The following PARD3B variants were observed in gnomAD, a reference collection of about 807,000 sequenced individuals.
The protein encoded by PARD3B is par-3 family cell polarity regulator beta.
Under a neutral mutation model 130.2 loss-of-function variants are expected in PARD3B, and 103 were observed. The ratio of observed to expected loss-of-function variants is 0.79; its 90% confidence interval spans 0.67 to 0.93. PARD3B has a LOEUF of 0.93. PARD3B is among the 40% of genes least tolerant of loss of function. The probability of loss-of-function intolerance (pLI) is 0.00; values close to 1 mark genes in which losing one functional copy is unlikely to be tolerated. For synonymous variants in PARD3B, 583 were observed against 553.2 expected, an observed-to-expected ratio of 1.05 and a Z score of -0.76; for missense variants, 1,609 against 1,499.2, an observed-to-expected ratio of 1.07 and a Z score of -1.21.
At chr2:205,107,516 T>G (rs1210611329) in intron 5 of PARD3B, among the ~76,000 whole-genome samples, 1 of 152,220 alleles carries the variant, frequency 6.6e-6, no homozygotes, top group Non-Finnish European at 1.5e-5. Context: ...GCTATTGCCA[T>G]TATCATTGTC....
chr2:204,917,990 T>C (rs6761835), intron 2 of PARD3B, among the ~76,000 whole-genome samples: 11,224 of 152,240 alleles, frequency 0.074, 748 homozygotes, highest in African/African-American at 0.18. Context: ...GCTTGCATTA[T>C]TGGTTATAGT....
chr2:204,564,243 A>G (rs1367622052), intron 1 of PARD3B, among the ~76,000 whole-genome samples: 1 of 152,174 alleles, frequency 6.6e-6, no homozygotes, highest in Non-Finnish European at 1.5e-5. Flanking sequence ...ACATGCATAC[A>G]TTTTGAAATG....
chr2:205,143,553 A>G (rs190211098), intron 10 of PARD3B, among the ~76,000 whole-genome samples: 176 of 152,322 alleles, frequency 1.2e-3, no homozygotes, highest in Non-Finnish European at 2.1e-3. Flanking sequence ...AATTAAGGCC[A>G]TAGAAATTGC....
intron 14 of PARD3B, among the ~76,000 whole-genome samples, chr2:205,188,783 CAAA>C (rs68034154): frequency 9.2e-5 from 9 of 97,358 alleles, no homozygotes; most frequent in Admixed American, 2.2e-4. Flanking sequence ...TTCTGCCTTT[CAAA>C]AAAAAAAAAA....
intron 4 of PARD3B, among the ~76,000 whole-genome samples, chr2:205,077,852 A>G (rs1269315717): frequency 6.6e-6 from 1 of 152,180 alleles, no homozygotes; most frequent in African/African-American, 2.4e-5. Flanking sequence ...ATAGCTCCTT[A>G]CTTTCCTATT....
chr2:205,111,091 A>G (rs909324287), intron 5 of PARD3B, among the ~76,000 whole-genome samples: 3 of 152,104 alleles, frequency 2.0e-5, no homozygotes, highest in African/African-American at 7.2e-5. Context: ...TTCTAACTTG[A>G]AACAAATAAT....
At position 205,238,961 on chromosome 2, in the gene PARD3B, G is replaced by A. The variant is rs571017571; in HGVS notation, c.2141-6817G>A. Among the ~76,000 whole-genome samples, 79 of 139,044 alleles carry A rather than the reference G, an allele frequency of 5.7e-4. 1 individual carries two copies. The highest frequency in any genetic ancestry group is 1.1e-3 in the Non-Finnish European group (75 of 65,982). 91.2% of individuals were successfully genotyped at this position (139,044 alleles called of 152,430 possible). On this transcript the variant is annotated intron_variant, in intron 15 of 22. Coordinates refer to ENST00000406610, the MANE Select transcript of PARD3B (RefSeq NM_001302769.2). ...GCATATATATATATATATATCTGAT[G>A]TGCTAGAGTACAGAAAAGCTGGCAA...
chr2:204,605,700 C>A (rs1330872032), intron 1 of PARD3B, among the ~76,000 whole-genome samples: 1 of 152,086 alleles, frequency 6.6e-6, no homozygotes, highest in Non-Finnish European at 1.5e-5. Context: ...CTGCACCTTG[C>A]TTTTGTCATC....
At chr2:205,228,093 A>C (rs995859744) in intron 15 of PARD3B, among the ~76,000 whole-genome samples, 1 of 152,100 alleles carries the variant, frequency 6.6e-6, no homozygotes, top group Non-Finnish European at 1.5e-5. Context: ...ATTTTTGATC[A>C]GTTTATATTT....
rs2033887682 is a variant in PARD3B at position 204,610,644 on chromosome 2, G to A, written c.120+64525G>A. Among the ~76,000 whole-genome samples the A allele has an allele frequency of 6.6e-6, 1 of 152,084 alleles. No homozygotes were observed. The highest frequency in any genetic ancestry group is 6.6e-5 in the Admixed American group (1 of 15,246). On this transcript the variant is annotated intron_variant, in intron 1 of 22. Coordinates refer to ENST00000406610, the MANE Select transcript of PARD3B (RefSeq NM_001302769.2). The surrounding 1 kb of genome is among the most constrained non-coding windows in gnomAD (Gnocchi z 4.1). ...CAAAGTGCTGGGATTACAGGCAGGA[G>A]CCACCGTGCCTGCCCCTTGTCCTTC...
In PARD3B at chr2:204,705,710, A is replaced by G. The variant is rs534963041; in HGVS notation, c.222+19428A>G. ...AGAAAAGATAAAAATGTGTCTCTGT[A>G]CTTGGGAAAACTACAGTTTTAGTGA... On this transcript the variant is annotated intron_variant, in intron 2 of 22. Coordinates refer to ENST00000406610, the MANE Select transcript of PARD3B (RefSeq NM_001302769.2). 2.0e-5 allele frequency among the ~76,000 whole-genome samples: 3 copies of G among 152,342 alleles called. No individual in the cohort carries two copies. In the South Asian group the frequency reaches 6.2e-4, roughly 32 times the overall value.
intron 2 of PARD3B, among the ~76,000 whole-genome samples, chr2:204,891,783 A>G (rs746184604): frequency 6.6e-6 from 1 of 152,088 alleles, no homozygotes; most frequent in African/African-American, 2.4e-5. Context: ...GAATTTGCCT[A>G]TCCTTTGGCT....
chr2:204,781,748 A>G (rs1574969304), intron 2 of PARD3B, among the ~76,000 whole-genome samples: 1 of 152,156 alleles, frequency 6.6e-6, no homozygotes, highest in East Asian at 1.9e-4. Context: ...AACCAAGTCC[A>G]GTAGGTATGC....
intron 2 of PARD3B, among the ~76,000 whole-genome samples, chr2:204,780,490 A>G (rs1318584679): frequency 4.6e-5 from 7 of 152,212 alleles, no homozygotes; most frequent in Non-Finnish European, 7.4e-5. Context: ...TAATTTATAA[A>G]CAACAGAAAT....
chr2:204,984,895 T>G (rs927601747), intron 3 of PARD3B, among the ~76,000 whole-genome samples: 6 of 152,114 alleles, frequency 3.9e-5, no homozygotes, highest in Non-Finnish European at 5.9e-5. Context: ...CTGCTCACCT[T>G]TGTTCCACTG....
intron 1 of PARD3B, among the ~76,000 whole-genome samples, chr2:204,657,492 G>C (rs2035677216): frequency 6.6e-6 from 1 of 152,010 alleles, no homozygotes; most frequent in Non-Finnish European, 1.5e-5. Context: ...GATGACAGAG[G>C]TGAGACCCTG....
chr2:204,570,669 G>A (rs1256707301), intron 1 of PARD3B, among the ~76,000 whole-genome samples: 7 of 152,216 alleles, frequency 4.6e-5, no homozygotes, highest in Non-Finnish European at 1.0e-4. Flanking sequence ...AATGGGAAAT[G>A]AGAAAGAGTG....
At chr2:205,032,025 G>GT (rs1160692241) in intron 3 of PARD3B, among the ~76,000 whole-genome samples, 1 of 152,078 alleles carries the variant, frequency 6.6e-6, no homozygotes, top group Non-Finnish European at 1.5e-5. Context: ...ATGTTAAAAT[G>GT]TTTTTCCCTT....
intron 18 of PARD3B, among the ~76,000 whole-genome samples, chr2:205,329,994 AAAATAAAT>A (rs199881710): frequency 2.2e-4 from 14 of 63,018 alleles, no homozygotes; most frequent in Non-Finnish European, 4.6e-4. Flanking sequence ...ACGCCGTCTC[AAAATAAAT>A]AAATAAATAA....
Sources: allele counts gnomAD v4.1 joint callset (sites outside exome capture counted in the v4.1 genomes callset), GRCh38; gene constraint gnomAD v4.1.1; non-coding constraint Gnocchi (gnomAD v3.1); transcripts MANE v1.5; gene names NCBI Gene and HGNC (gene_info 2026-07-23, HGNC 2026-07-21).